Variants in PDE7B observed in about 807,000 individuals in gnomAD.
The protein encoded by PDE7B is phosphodiesterase 7B.
Under a neutral mutation model 56.2 loss-of-function variants are expected in PDE7B, and 29 were observed. The observed-to-expected ratio is 0.52, with a 90% CI of 0.38 to 0.70. The LOEUF is 0.70. Ranked by LOEUF, PDE7B falls within the 30% of genes least tolerant of loss-of-function variation. The probability of loss-of-function intolerance (pLI) is 0.00; values close to 1 mark genes in which losing one functional copy is unlikely to be tolerated. For synonymous variants in PDE7B, 197 were observed against 196.9 expected, an observed-to-expected ratio of 1.00 and a Z score of 0.00; for missense variants, 490 against 565.0, an observed-to-expected ratio of 0.87 and a Z score of 1.35.
chr6:136,169,711 C>T (rs903558709), intron 8 of PDE7B, among the ~76,000 whole-genome samples: 1 of 152,190 alleles, frequency 6.6e-6, no homozygotes, highest in South Asian at 2.1e-4. Flanking sequence ...GATTGAACAT[C>T]TGTTACATCA....
rs557121105 is a variant in PDE7B, at chr6:136,085,551, C to G, written c.83-23180C>G. 3.9e-5 allele frequency among the ~76,000 whole-genome samples: 6 copies of G among 152,266 alleles called. No individual in the cohort carries two copies. The South Asian group carries it at 1.2e-3, about 32-fold the overall frequency. ...GGGCTGAGTGTTCAGAGAAACAGCTCTGTGCCTGGCTGACTTTTGGTTGAT... is the reference window on the plus strand; with the variant it reads ...GGGCTGAGTGTTCAGAGAAACAGCTGTGTGCCTGGCTGACTTTTGGTTGAT... On this transcript the variant is annotated intron_variant, in intron 2 of 12. Transcript: ENST00000308191.
chr6:135,934,904 T>A (rs1210160232), intron 1 of PDE7B, among the ~76,000 whole-genome samples: 1 of 109,088 alleles, frequency 9.2e-6, no homozygotes, highest in Admixed American at 1.3e-4. Context: ...TATTTAAATA[T>A]ATATAAATAT....
At chr6:136,191,013 C>CTTTTTTTTTTTTTTTTTTTTT (rs752187218) in intron 12 of PDE7B, among the ~76,000 whole-genome samples, 4 of 99,300 alleles carry the variant, frequency 4.0e-5, no homozygotes, top group African/African-American at 3.6e-4. Flanking sequence ...CCAGCATACA[C>CTTTTTTTTTTTTTTTTTTTTT]TTTTTTTTTT....
In PDE7B at chr6:136,053,867, G is replaced by A. The variant is rs556291975; in HGVS notation, c.83-54864G>A. Among the ~76,000 whole-genome samples the A allele has an allele frequency of 3.9e-5, 6 of 152,280 alleles. No individual in the cohort carries two copies. The East Asian group carries it at 9.6e-4, about 24-fold the overall frequency. On this transcript the variant is annotated intron_variant, in intron 2 of 12. Coordinates refer to ENST00000308191, the MANE Select transcript of PDE7B (RefSeq NM_018945.4). ...CTGCACAAATGTCTTCTTTTGAGAA[G>A]TGTCTGTTCATATCCTTTGCCCACT...
Position 136,043,575 on chromosome 6 carries a change from C to CAAAAAA in PDE7B, c.83-65141_83-65136dup, listed in dbSNP as rs34337621. 5.6e-5 allele frequency among the ~76,000 whole-genome samples: 6 copies of CAAAAAA among 106,896 alleles called. 1 individual carries two copies. Among genetic ancestry groups the CAAAAAA allele is most frequent in the African/African-American group, 7.5e-5 (2 of 26,836 alleles). The allele number at this position is 106,896 out of a possible 152,430, so 70.1% of individuals were successfully genotyped here. On this transcript the variant is annotated intron_variant, in intron 2 of 12. Transcript: ENST00000308191. ...TTGTCGGGATTAAATGACATAATAGCAAAAAAAAAAAAAAAAAAAAGTGCC... is the reference window on the plus strand; with the variant it reads ...TTGTCGGGATTAAATGACATAATAGCAAAAAAAAAAAAAAAAAAAAAAAAAAGTGCC...
intron 1 of PDE7B, among the ~76,000 whole-genome samples, chr6:135,946,530 G>C (rs1323618694): frequency 6.6e-6 from 1 of 152,102 alleles, no homozygotes; most frequent in Non-Finnish European, 1.5e-5. Flanking sequence ...CGCAATGTGT[G>C]AGAGTATCCA....
intron 12 of PDE7B, among the ~76,000 whole-genome samples, chr6:136,188,400 G>C (rs960607809): frequency 3.3e-5 from 5 of 152,108 alleles, no homozygotes; most frequent in African/African-American, 1.2e-4. Context: ...AGAGTTGCTG[G>C]GTGGCTTGCA....
chr6:135,887,988 A>T (rs1378069017), intron 1 of PDE7B, among the ~76,000 whole-genome samples: 2 of 152,104 alleles, frequency 1.3e-5, no homozygotes, highest in Non-Finnish European at 2.9e-5. Context: ...ATTTCCCTGG[A>T]CATATATTTG....
chr6:135,891,226 A>T (rs1046385996), intron 1 of PDE7B, among the ~76,000 whole-genome samples: 3 of 152,272 alleles, frequency 2.0e-5, no homozygotes, highest in Non-Finnish European at 4.4e-5. Context: ...GCTTCAAAGC[A>T]GAAGCCATAC....
chr6:135,979,846 G>A (rs1175508517), intron 2 of PDE7B, among the ~76,000 whole-genome samples: 1 of 152,106 alleles, frequency 6.6e-6, no homozygotes. Flanking sequence ...AATCAATATC[G>A]TGAAAATGGC....
intron 2 of PDE7B, among the ~76,000 whole-genome samples, chr6:136,028,405 G>A (rs1776187884): frequency 1.3e-5 from 2 of 152,196 alleles, no homozygotes; most frequent in African/African-American, 4.8e-5. Flanking sequence ...CAAGAAGAAG[G>A]ACCACGTGAG....
intron 1 of PDE7B, among the ~76,000 whole-genome samples, chr6:135,874,628 G>A (rs959665730): frequency 5.3e-5 from 8 of 152,204 alleles, no homozygotes; most frequent in African/African-American, 1.9e-4. Context: ...ATATCTTTGA[G>A]GTTTGCTTTG....
Position 136,145,492 on chromosome 6 carries a change from C to T in PDE7B, c.167-1859C>T, listed in dbSNP as rs545965383. Among the ~76,000 whole-genome samples, 23 of 152,234 alleles carry T rather than the reference C, an allele frequency of 1.5e-4. No homozygotes were observed. In the South Asian group the frequency reaches 4.1e-3, roughly 27 times the overall value. Reference sequence around the variant, plus strand: ...ATTAGCAAAAAGTCATATTTAAAAACCAGAATCTGGGTGCTAGAAGTGCTC... The same window carrying T: ...ATTAGCAAAAAGTCATATTTAAAAATCAGAATCTGGGTGCTAGAAGTGCTC... On this transcript the variant is annotated intron_variant, in intron 3 of 12. Transcript: ENST00000308191.
intron 5 of PDE7B, among the ~76,000 whole-genome samples, chr6:136,150,855 A>ATGTGTGTGTGTGTGTGTGTGTGTG (rs60877369): frequency 3.3e-5 from 5 of 150,518 alleles, no homozygotes; most frequent in Admixed American, 6.6e-5. Flanking sequence ...ACATATACAC[A>ATGTGTGTGTGTGTGTGTGTGTGTG]TGTGTGTGTG....
chr6:136,162,920 A>G (rs1778732041), intron 8 of PDE7B, among the ~76,000 whole-genome samples: 1 of 152,198 alleles, frequency 6.6e-6, no homozygotes, highest in African/African-American at 2.4e-5. Context: ...CTGGGCTCCC[A>G]TGCCTTGGGC....
At chr6:136,033,348 A>C (rs1436817042) in intron 2 of PDE7B, among the ~76,000 whole-genome samples, 3 of 152,212 alleles carry the variant, frequency 2.0e-5, no homozygotes, top group African/African-American at 7.2e-5. Context: ...TGTTAGCTGA[A>C]ATCCTAGTTT....
intron 1 of PDE7B, among the ~76,000 whole-genome samples, chr6:135,868,447 A>G (rs1398418453): frequency 7.3e-5 from 11 of 150,064 alleles, no homozygotes; most frequent in African/African-American, 2.7e-4. Flanking sequence ...TTTTTTTTTG[A>G]GACGGAGTCT....
chr6:136,158,499 A>G (rs1778648827), intron 8 of PDE7B, among the ~76,000 whole-genome samples: 1 of 152,228 alleles, frequency 6.6e-6, no homozygotes, highest in Non-Finnish European at 1.5e-5. Flanking sequence ...TAAATGAGAT[A>G]AAATGGAAGA....
intron 1 of PDE7B, among the ~76,000 whole-genome samples, chr6:135,937,659 G>C (rs1774445122): frequency 6.6e-6 from 1 of 152,072 alleles, no homozygotes; most frequent in Non-Finnish European, 1.5e-5. Flanking sequence ...ACCTAGAAGG[G>C]ACCCCTTTTT....
Sources: gnomAD v4.1 joint callset for allele counts (sites outside exome capture counted in the v4.1 genomes callset) on GRCh38, gnomAD v4.1.1 for gene constraint, MANE v1.5 for transcripts, NCBI Gene and HGNC (gene_info 2026-07-23, HGNC 2026-07-21) for gene names.